Variants in SCARA5 observed in about 807,000 individuals in gnomAD.
SCARA5 encodes scavenger receptor class A, member 5 (putative).
In SCARA5, 45 loss-of-function variants were observed where a neutral mutation model predicts 46.3. That is an observed-to-expected ratio of 0.97 (90% confidence interval 0.76 to 1.24). SCARA5 has a LOEUF of 1.24. SCARA5 is among the 50% of genes most tolerant of loss of function. SCARA5 has a pLI of 0.00. For synonymous variants in SCARA5, 333 were observed against 306.5 expected (o/e 1.09, Z -0.90); for missense variants, 680 against 689.0 (o/e 0.99, Z 0.15).
Position 27,974,258 on chromosome 8 carries a change from T to C in SCARA5, c.113-7716A>G, listed in dbSNP as rs192203716. Among the ~76,000 whole-genome samples the C allele has an allele frequency of 1.1e-4, 16 of 152,308 alleles. 1 individual carries two copies. Among genetic ancestry groups the C allele is most frequent in the African/African-American group, 3.8e-4 (16 of 41,572 alleles). On this transcript the variant is annotated intron_variant, in intron 2 of 8. Coordinates refer to ENST00000354914, the MANE Select transcript of SCARA5 (RefSeq NM_173833.6). ...TGTCATGCATTAACTGTGAGAACCA[T>C]GAGCGAGTATTCCAGCAGTCCCCTT...
chr8:27,916,748 G>C (rs1009764203), intron 4 of SCARA5, among the ~76,000 whole-genome samples: 2 of 152,196 alleles, frequency 1.3e-5, no homozygotes, highest in African/African-American at 4.8e-5. Context: ...AGGCAGGAAA[G>C]ACCCTAGATG....
intron 3 of SCARA5, among the ~76,000 whole-genome samples, chr8:27,943,840 A>G (rs1399957159): frequency 1.3e-5 from 2 of 152,244 alleles, no homozygotes; most frequent in Non-Finnish European, 2.9e-5. Context: ...ATTGCTGGCA[A>G]TCAGTGTATT....
At chr8:27,901,289 G>A (rs147063792) in intron 7 of SCARA5, among the ~76,000 whole-genome samples, 120 of 152,200 alleles carry the variant, frequency 7.9e-4, no homozygotes, top group African/African-American at 2.6e-3. Flanking sequence ...GCTGCTAACG[G>A]CACGGGCTTC....
Position 27,870,636 on chromosome 8 carries a change from T to A in SCARA5, c.*1298A>T, listed in dbSNP as rs943608220. 1 of 152,086 alleles carries A rather than the reference T, an allele frequency of 6.6e-6. No individual in the cohort carries two copies. Among genetic ancestry groups the A allele is most frequent in the Non-Finnish European group, 1.5e-5 (1 of 68,022 alleles). 9.4% of individuals were successfully genotyped at this position (152,086 alleles called of 1,614,324 possible). A position where few individuals can be genotyped will look rare whatever the true frequency, so the allele number is the denominator to read the frequency against. ...GTAGCTCCCCTAGTTCTTGAACATG[T>A]GTATGGCCCAGTTCTGCTCCTCATG... On this transcript the variant is annotated 3_prime_UTR_variant, in exon 9 of 9. Coordinates refer to ENST00000354914, the MANE Select transcript of SCARA5 (RefSeq NM_173833.6).
intron 2 of SCARA5, among the ~76,000 whole-genome samples, chr8:27,972,098 C>T (rs1007873266): frequency 6.6e-6 from 1 of 152,088 alleles, no homozygotes; most frequent in African/African-American, 2.4e-5. Context: ...AGATGGATGA[C>T]CTGAGGTCAG....
At chr8:27,943,406 G>A (rs117639322) in intron 3 of SCARA5, among the ~76,000 whole-genome samples, 2,343 of 152,316 alleles carry the variant, frequency 0.015, 48 homozygotes, top group East Asian at 0.052. Context: ...ACTCCAGCCT[G>A]GGTGACGGGA....
intron 7 of SCARA5, among the ~76,000 whole-genome samples, chr8:27,900,216 AACTTT>A (rs1456832159): frequency 6.6e-6 from 1 of 152,188 alleles, no homozygotes; most frequent in Non-Finnish European, 1.5e-5. Context: ...AGATAAGGCT[AACTTT>A]TGGTGCTCCA....
At chr8:27,983,337 G>A (rs1215966085) in intron 2 of SCARA5, among the ~76,000 whole-genome samples, 1 of 152,200 alleles carries the variant, frequency 6.6e-6, no homozygotes, top group Non-Finnish European at 1.5e-5. Context: ...AGTGTCTGTT[G>A]GGGGTGCCAG....
At position 27,922,060 on chromosome 8, in the gene SCARA5, C is replaced by T. The variant is rs1200559056; in HGVS notation, c.427G>A (p.Ala143Thr). ...CCCTCCAGCCGCTGCACTGCGCCCG[C>T]CAGCGCCAGCAACGAGTCTGACTGG... is the stretch of plus-strand genomic sequence containing the variant. ...QNQSDSLLAL[A>T]GAVQRLEGAL... The change falls in exon 4 of 9, where the codon GCG (alanine) becomes ACG (threonine). Residue 143 changes from alanine (A) to threonine (T), a missense_variant. By Grantham distance (58) the Ala-to-Thr change is moderately conservative. Around this residue, in one of 3 missense-constraint regions of SCARA5, gnomAD observed 438 missense variants for 384.5 expected, o/e 1.14. Transcript: ENST00000354914. The T allele has an allele frequency of 1.3e-6, 2 of 1,589,982 alleles. No individual in the cohort carries two copies. Among genetic ancestry groups the T allele is most frequent in the Admixed American group, 3.5e-5 (2 of 57,324 alleles).
chr8:27,923,191 A>G (rs1447434248), intron 3 of SCARA5, among the ~76,000 whole-genome samples: 1 of 152,224 alleles, frequency 6.6e-6, no homozygotes, highest in East Asian at 1.9e-4. Flanking sequence ...CAGCTCCAGG[A>G]CTGCCTAAAG....
At chr8:27,981,984 G>A (rs1364870109) in intron 2 of SCARA5, among the ~76,000 whole-genome samples, 1 of 152,138 alleles carries the variant, frequency 6.6e-6, no homozygotes, top group Non-Finnish European at 1.5e-5. Context: ...AAGTGAACCG[G>A]GGAGATCTGA....
chr8:27,938,050 A>C (rs941233472), intron 3 of SCARA5, among the ~76,000 whole-genome samples: 1 of 152,174 alleles, frequency 6.6e-6, no homozygotes, highest in Non-Finnish European at 1.5e-5. Context: ...AACTGGAAAG[A>C]AGTTGGGGTG....
chr8:27,924,710 G>A (rs1807653636), intron 3 of SCARA5, among the ~76,000 whole-genome samples: 1 of 152,202 alleles, frequency 6.6e-6, no homozygotes, highest in Non-Finnish European at 1.5e-5. Flanking sequence ...CCTGTTTGCA[G>A]ATGACATGAT....
intron 3 of SCARA5, among the ~76,000 whole-genome samples, chr8:27,922,916 C>G (rs1426598638): frequency 6.6e-6 from 1 of 152,140 alleles, no homozygotes; most frequent in Non-Finnish European, 1.5e-5. Flanking sequence ...TAGAAGGCAC[C>G]ATCCATGAGA....
intron 7 of SCARA5, among the ~76,000 whole-genome samples, chr8:27,893,416 C>T (rs1471080299): frequency 6.6e-6 from 1 of 152,300 alleles, no homozygotes; most frequent in African/African-American, 2.4e-5. Context: ...GGGGATTCTC[C>T]TCTCAAAACA....
At chr8:27,901,213 G>A (rs28707442) in intron 7 of SCARA5, among the ~76,000 whole-genome samples, 116 of 152,046 alleles carry the variant, frequency 7.6e-4, no homozygotes, top group Middle Eastern at 3.4e-3. Context: ...GAGGGGTGTC[G>A]GTCATGTTTT....
chr8:27,961,643 G>A (rs1808295787), intron 3 of SCARA5, among the ~76,000 whole-genome samples: 1 of 152,172 alleles, frequency 6.6e-6, no homozygotes. Context: ...AGAAGCCAGG[G>A]TTCCAACTCA....
chr8:27,877,834 A>C (rs998528365), intron 8 of SCARA5, among the ~76,000 whole-genome samples: 3 of 152,134 alleles, frequency 2.0e-5, no homozygotes, highest in African/African-American at 7.2e-5. Context: ...AGATTTCACC[A>C]AGGGTCACTT....
chr8:27,898,310 G>A (rs1416608913), intron 7 of SCARA5, among the ~76,000 whole-genome samples: 1 of 152,214 alleles, frequency 6.6e-6, no homozygotes, highest in Non-Finnish European at 1.5e-5. Flanking sequence ...CACTGGATTT[G>A]TTTTTGGAAG....
Sources: allele counts gnomAD v4.1 joint callset (sites outside exome capture counted in the v4.1 genomes callset), GRCh38; gene constraint gnomAD v4.1.1; regional missense constraint gnomAD v4.1.1; transcripts MANE v1.5; gene names NCBI Gene and HGNC (gene_info 2026-07-23, HGNC 2026-07-21).